GRIK2: variants seen among roughly 807,000 people sequenced by gnomAD.
GRIK2 encodes the protein glutamate ionotropic receptor kainate type subunit 2.
GRIK2 carries 32 observed loss-of-function variants against 100.3 expected under a neutral mutation model. The observed-to-expected ratio is 0.32, with a 90% confidence interval of 0.24 to 0.43. The LOEUF is 0.43. Among genes scored for constraint, GRIK2 ranks in the 20% least tolerant of loss-of-function variants. The pLI is 1.00. For synonymous variants in GRIK2, 417 were observed against 389.4 expected, an observed-to-expected ratio of 1.07 and a Z score of -0.83; for missense variants, 843 against 1,114.9, an observed-to-expected ratio of 0.76 and a Z score of 3.47.
At chr6:101,950,170 A>G (rs920389508) in intron 14 of GRIK2, among the ~76,000 whole-genome samples, 10 of 152,110 alleles carry the variant, frequency 6.6e-5, no homozygotes, top group African/African-American at 2.4e-4. Context: ...GGCTTGTATC[A>G]CATTGGGACT....
At chr6:101,792,939 T>G (rs1194455859) in intron 7 of GRIK2, among the ~76,000 whole-genome samples, 1 of 152,154 alleles carries the variant, frequency 6.6e-6, no homozygotes, top group Non-Finnish European at 1.5e-5. Context: ...ACTTCCCTTC[T>G]CGCTTCATTT....
chr6:101,398,480 A>G (rs1043572577), intron 1 of GRIK2, among the ~76,000 whole-genome samples: 29 of 152,232 alleles, frequency 1.9e-4, no homozygotes, highest in African/African-American at 7.0e-4. Flanking sequence ...AAATAAAAGT[A>G]TAAATAAGAC....
intron 2 of GRIK2, among the ~76,000 whole-genome samples, chr6:101,548,288 G>T (rs1269047584): frequency 6.6e-6 from 1 of 152,142 alleles, no homozygotes; most frequent in East Asian, 1.9e-4. Context: ...CACTCTGATG[G>T]TAGTTTCTTT....
intron 2 of GRIK2, among the ~76,000 whole-genome samples, chr6:101,428,514 A>C (rs1024290749): frequency 2.6e-5 from 4 of 152,280 alleles, no homozygotes; most frequent in Non-Finnish European, 5.9e-5. Flanking sequence ...ACATTCTATT[A>C]TTTCTAATTT....
chr6:101,595,716 GTGTA>G lies in GRIK2; in HGVS notation c.116-26231_116-26228del, dbSNP rs1299162812. ...TATATATATGTGTGTGTGTGTGTGT[GTGTA>G]TATATATATATATATATATATTCAT... is the stretch of plus-strand genomic sequence containing the variant. On this transcript the variant is annotated intron_variant, in intron 2 of 16. Coordinates refer to ENST00000369134, the MANE Select transcript of GRIK2 (RefSeq NM_021956.5). Among the ~76,000 whole-genome samples, 352 of 133,628 alleles carry G rather than the reference GTGTA, an allele frequency of 2.6e-3. 4 individuals are homozygous for G. The highest frequency in any genetic ancestry group is 0.018 in the South Asian group (77 of 4,206). 87.7% of individuals were successfully genotyped at this position (133,628 alleles called of 152,430 possible).
chr6:101,872,366 G>C (rs762446661), intron 11 of GRIK2, among the ~76,000 whole-genome samples: 2 of 151,870 alleles, frequency 1.3e-5, no homozygotes, highest in African/African-American at 2.4e-5. Flanking sequence ...TGGAGGGGAA[G>C]CAAACATGTC....
At chr6:101,452,322 C>T (rs1296838499) in intron 2 of GRIK2, among the ~76,000 whole-genome samples, 1 of 151,814 alleles carries the variant, frequency 6.6e-6, no homozygotes. Flanking sequence ...ATAACTTACC[C>T]AGTGGTTCTC....
At chr6:101,519,118 G>A (rs1774738878) in intron 2 of GRIK2, among the ~76,000 whole-genome samples, 1 of 152,124 alleles carries the variant, frequency 6.6e-6, no homozygotes, top group African/African-American at 2.4e-5. Flanking sequence ...AATCTCGTCA[G>A]CCTGCCATTT....
At chr6:101,547,754 C>A (rs4507602) in intron 2 of GRIK2, among the ~76,000 whole-genome samples, 121,773 of 150,878 alleles carry the variant, frequency 0.81, 49,621 homozygotes, top group African/African-American at 0.9. Context: ...AGTCTTTGCT[C>A]TTGTGAATAG....
Position 101,881,275 on chromosome 6 carries a change from C to T in GRIK2, c.1525-8365C>T, listed in dbSNP as rs9498735. 2.0e-3 allele frequency among the ~76,000 whole-genome samples: 301 copies of T among 151,844 alleles called. 1 individual carries two copies. The highest frequency in any genetic ancestry group is 7.0e-3 in the African/African-American group (292 of 41,486). ...TAAATATAATAATTATAGAATGTAACACCATATTTTATATATAGGTAATTA... is the reference window on the plus strand; with the variant it reads ...TAAATATAATAATTATAGAATGTAATACCATATTTTATATATAGGTAATTA... On this transcript the variant is annotated intron_variant, in intron 11 of 16. Coordinates refer to ENST00000369134, the MANE Select transcript of GRIK2 (RefSeq NM_021956.5).
chr6:101,748,677 G>T (rs931862534), intron 7 of GRIK2, among the ~76,000 whole-genome samples: 3 of 151,980 alleles, frequency 2.0e-5, no homozygotes, highest in Non-Finnish European at 4.4e-5. Context: ...TACAGCTGTT[G>T]AAAAAATGTT....
At chr6:101,675,524 A>G (rs1302510331) in intron 4 of GRIK2, among the ~76,000 whole-genome samples, 2 of 152,182 alleles carry the variant, frequency 1.3e-5, no homozygotes, top group African/African-American at 4.8e-5. Flanking sequence ...ATTTGATCCA[A>G]GCTGCAATGG....
chr6:101,833,217 C>T (rs993433930), intron 10 of GRIK2, among the ~76,000 whole-genome samples: 3 of 151,766 alleles, frequency 2.0e-5, no homozygotes, highest in African/African-American at 4.8e-5. Context: ...TCTTGTTTTT[C>T]GTTGTTGTTG....
chr6:101,427,370 G>T (rs193257009), intron 2 of GRIK2, among the ~76,000 whole-genome samples: 30 of 152,216 alleles, frequency 2.0e-4, no homozygotes, highest in Middle Eastern at 3.4e-3. Flanking sequence ...ATCCTGTTTT[G>T]GAAGTTACAT....
chr6:101,464,497 CTTTTTTTTTTTTTTTTTTTTTTTTTTT>C (rs71028069), intron 2 of GRIK2, among the ~76,000 whole-genome samples: 1 of 62,012 alleles, frequency 1.6e-5, no homozygotes, highest in Non-Finnish European at 3.0e-5. Context: ...CTTTTTCTTT[CTTTTTTTTTTTTTTTTTTTTTTTTTTT>C]TTTTTTTTTT....
chr6:101,970,085 C>CT (rs1792946043), intron 14 of GRIK2, among the ~76,000 whole-genome samples: 1 of 151,874 alleles, frequency 6.6e-6, no homozygotes, highest in South Asian at 2.1e-4. Context: ...ATTTTATGCC[C>CT]TTTTTTTGGT....
At chr6:101,719,643 G>C (rs570412072) in intron 7 of GRIK2, among the ~76,000 whole-genome samples, 2 of 152,030 alleles carry the variant, frequency 1.3e-5, no homozygotes, top group East Asian at 3.9e-4. Flanking sequence ...TATTTTATTT[G>C]GAATTTTTGT....
chr6:101,906,452 A>G (rs1452636765), intron 12 of GRIK2, among the ~76,000 whole-genome samples: 1 of 151,294 alleles, frequency 6.6e-6, no homozygotes, highest in Non-Finnish European at 1.5e-5. Context: ...TTACTCCCAA[A>G]TTTTTGAGTA....
At chr6:102,062,303 T>G (rs1771793018) in intron 16 of GRIK2, among the ~76,000 whole-genome samples, 1 of 150,574 alleles carries the variant, frequency 6.6e-6, no homozygotes, top group African/African-American at 2.4e-5. Flanking sequence ...TATAATTTAG[T>G]ATTCAAAAAA....
Sources: gnomAD v4.1 joint callset for allele counts (sites outside exome capture counted in the v4.1 genomes callset) on GRCh38, gnomAD v4.1.1 for gene constraint, MANE v1.5 for transcripts, NCBI Gene and HGNC (gene_info 2026-07-23, HGNC 2026-07-21) for gene names.